Variants in STXBP4 observed in about 807,000 individuals in gnomAD.
STXBP4 encodes syntaxin binding protein 4, also known as syntaxin-binding protein 4.
STXBP4 carries 55 observed loss-of-function variants against 76.1 expected under a neutral mutation model. The ratio of observed to expected loss-of-function variants is 0.72; its 90% confidence interval spans 0.58 to 0.91. STXBP4 has a LOEUF of 0.91. STXBP4 is among the 40% of genes least tolerant of loss of function. STXBP4 has a pLI of 0.00. For missense variants in STXBP4, 618 were observed against 636.9 expected, an observed-to-expected ratio of 0.97 and a Z score of 0.32; for synonymous variants, 201 against 220.2, an observed-to-expected ratio of 0.91 and a Z score of 0.77.
intron 16 of STXBP4, among the ~76,000 whole-genome samples, chr17:55,136,809 G>A: frequency 6.6e-6 from 1 of 151,882 alleles, no homozygotes; most frequent in East Asian, 1.9e-4. Context: ...ACTGTATTGA[G>A]GAAAGGATTG....
intron 16 of STXBP4, among the ~76,000 whole-genome samples, chr17:55,112,613 G>A (rs1300685842): frequency 6.6e-6 from 1 of 152,128 alleles, no homozygotes; most frequent in East Asian, 1.9e-4. Flanking sequence ...TAGGGTGGGG[G>A]AAGTTCCATA....
At chr17:55,009,524 A>G (rs960369476) in intron 8 of STXBP4, among the ~76,000 whole-genome samples, 1 of 152,128 alleles carries the variant, frequency 6.6e-6, no homozygotes, top group Non-Finnish European at 1.5e-5. Context: ...GAGGTATGAA[A>G]ATCGAAATTT....
intron 16 of STXBP4, among the ~76,000 whole-genome samples, chr17:55,099,497 G>C (rs2079537768): frequency 1.3e-5 from 2 of 152,132 alleles, no homozygotes; most frequent in Non-Finnish European, 2.9e-5. Context: ...ACTGAATACT[G>C]TATGCAATTA....
chr17:55,090,145 G>C (rs1567756948), intron 16 of STXBP4, among the ~76,000 whole-genome samples: 2 of 152,004 alleles, frequency 1.3e-5, no homozygotes, highest in Non-Finnish European at 1.5e-5. Flanking sequence ...GACAGGCTGG[G>C]GGTAGGGGGC....
chr17:55,125,742 T>A (rs2079903533), intron 16 of STXBP4, among the ~76,000 whole-genome samples: 1 of 152,088 alleles, frequency 6.6e-6, no homozygotes, highest in South Asian at 2.1e-4. Flanking sequence ...GGTGTTTCCT[T>A]AAATTTTGTA....
chr17:55,035,420 T>A (rs929317208), intron 10 of STXBP4, among the ~76,000 whole-genome samples: 18 of 152,046 alleles, frequency 1.2e-4, no homozygotes, highest in Non-Finnish European at 2.1e-4. Flanking sequence ...ATTTTATCTT[T>A]TCTTTTTCTC....
chr17:55,145,291 T>C (rs2145160531), intron 17 of STXBP4, among the ~76,000 whole-genome samples: 1 of 152,348 alleles, frequency 6.6e-6, no homozygotes, highest in East Asian at 1.9e-4. Context: ...ACCATATAGA[T>C]GATGCTTTGA....
At chr17:55,043,185 C>A in intron 10 of STXBP4, 51 bp from the exon 11 acceptor site, 2 of 908,716 alleles carry the variant, frequency 2.2e-6, no homozygotes, top group South Asian at 2.5e-5. Flanking sequence ...TGTTACCTCT[C>A]ATAATTAGCA....
At chr17:55,199,750 G>A in the STXBP4 span, among the ~76,000 whole-genome samples, 8 of 152,146 alleles carry the variant, frequency 5.3e-5, no homozygotes, top group African/African-American at 1.4e-4. Context: ...TTTGTTCCTC[G>A]AGTGCTTAAA....
chr17:55,186,974 G>A, the STXBP4 span, among the ~76,000 whole-genome samples: 1 of 152,168 alleles, frequency 6.6e-6, no homozygotes, highest in East Asian at 1.9e-4. Context: ...CAAATCAAAA[G>A]GGACAAAGAA....
intron 17 of STXBP4, among the ~76,000 whole-genome samples, chr17:55,159,546 A>T (rs2080317644): frequency 6.6e-6 from 1 of 152,246 alleles, no homozygotes; most frequent in African/African-American, 2.4e-5. Flanking sequence ...AATGTCAGAT[A>T]CTGAAACGAA....
chr17:55,150,772 A>G (rs549241989), intron 17 of STXBP4, among the ~76,000 whole-genome samples: 1 of 152,280 alleles, frequency 6.6e-6, no homozygotes, highest in East Asian at 1.9e-4. Context: ...AGGCAGAATA[A>G]TGGCCCTCAA....
chr17:55,140,676 T>A (rs1380613306), intron 16 of STXBP4, among the ~76,000 whole-genome samples: 1 of 152,150 alleles, frequency 6.6e-6, no homozygotes, highest in Non-Finnish European at 1.5e-5. Flanking sequence ...TCCACATCTC[T>A]TTATAGCTAA....
intron 7 of STXBP4, among the ~76,000 whole-genome samples, chr17:55,002,687 G>T (rs1448094291): frequency 6.6e-6 from 1 of 152,144 alleles, no homozygotes; most frequent in East Asian, 1.9e-4. Context: ...TATGAGTATG[G>T]TATAAGGAAG....
intron 8 of STXBP4, among the ~76,000 whole-genome samples, chr17:55,010,726 A>G (rs997105756): frequency 6.6e-6 from 1 of 152,176 alleles, no homozygotes; most frequent in African/African-American, 2.4e-5. Flanking sequence ...TAACGTTTCA[A>G]GAAAACTGTA....
At chr17:55,109,406 G>T (rs573221591) in intron 16 of STXBP4, among the ~76,000 whole-genome samples, 49 of 151,850 alleles carry the variant, frequency 3.2e-4, no homozygotes, top group Non-Finnish European at 7.1e-4. Context: ...TGTGTACAAG[G>T]CACTATGATT....
chr17:55,110,501 A>C (rs1337765483), intron 16 of STXBP4, among the ~76,000 whole-genome samples: 1 of 152,152 alleles, frequency 6.6e-6, no homozygotes, highest in African/African-American at 2.4e-5. Context: ...TTCCAGATGG[A>C]AGGGATAATG....
intron 4 of STXBP4, among the ~76,000 whole-genome samples, chr17:54,996,400 G>T (rs932536656): frequency 6.6e-6 from 1 of 151,842 alleles, no homozygotes; most frequent in Non-Finnish European, 1.5e-5. Context: ...AATTTGTTGT[G>T]CTGGGTTTGG....
chr17:55,026,345 T>TC (rs376847657), intron 8 of STXBP4, among the ~76,000 whole-genome samples: 1 of 152,048 alleles, frequency 6.6e-6, no homozygotes, highest in African/African-American at 2.4e-5. Flanking sequence ...AGTTTTTTTT[T>TC]CCCCCCAAGA....
Sources: allele counts gnomAD v4.1 joint callset (sites outside exome capture counted in the v4.1 genomes callset), GRCh38; gene constraint gnomAD v4.1.1; transcripts MANE v1.5; gene names NCBI Gene and HGNC (gene_info 2026-07-23, HGNC 2026-07-21).